Variants in LRRC4C observed in about 807,000 individuals in gnomAD.
The protein encoded by LRRC4C is leucine-rich repeat-containing protein 4C.
In LRRC4C, 5 loss-of-function variants were observed where a neutral mutation model predicts 33.6. The observed-to-expected ratio is 0.15, with a 90% confidence interval of 0.08 to 0.31. The LOEUF (loss-of-function observed/expected upper bound fraction) is 0.31, where lower values mean the gene tolerates loss of function less well. LRRC4C is among the 10% of genes least tolerant of loss of function. LRRC4C has a pLI of 1.00. For synonymous variants in LRRC4C, 329 were observed against 302.0 expected, an observed-to-expected ratio of 1.09 and a Z score of -0.93; for missense variants, 560 against 796.7, an observed-to-expected ratio of 0.70 and a Z score of 3.58.
At chr11:41,292,399 G>A (rs1174241230) in intron 1 of LRRC4C, among the ~76,000 whole-genome samples, 1 of 150,036 alleles carries the variant, frequency 6.7e-6, no homozygotes, top group East Asian at 1.9e-4. Flanking sequence ...ACAATAAACA[G>A]CAGCGTAAAA....
At chr11:40,605,889 T>G (rs1040212039) in intron 3 of LRRC4C, among the ~76,000 whole-genome samples, 3 of 152,138 alleles carry the variant, frequency 2.0e-5, no homozygotes, top group African/African-American at 7.2e-5. Flanking sequence ...GGTCCTACAT[T>G]CTAGCTTTTT....
chr11:40,678,589 A>T (rs1267415056), intron 2 of LRRC4C, among the ~76,000 whole-genome samples: 2 of 152,132 alleles, frequency 1.3e-5, no homozygotes, highest in Non-Finnish European at 2.9e-5. Context: ...TAATTAAAAC[A>T]TAGGGGTGGG....
intron 1 of LRRC4C, among the ~76,000 whole-genome samples, chr11:41,129,928 C>T (rs1942933440): frequency 6.6e-6 from 1 of 152,062 alleles, no homozygotes; most frequent in Admixed American, 6.6e-5. Context: ...TATATGATTA[C>T]ATCTTTCCTC....
At chr11:40,374,330 A>T (rs562695471) in intron 3 of LRRC4C, among the ~76,000 whole-genome samples, 4 of 152,280 alleles carry the variant, frequency 2.6e-5, no homozygotes, top group African/African-American at 9.6e-5. Context: ...GTATGCATTT[A>T]TTAATTCCCT....
chr11:41,075,446 C>G (rs1289541093), intron 1 of LRRC4C, among the ~76,000 whole-genome samples: 2 of 151,978 alleles, frequency 1.3e-5, no homozygotes, highest in Non-Finnish European at 2.9e-5. Flanking sequence ...TCTCCTTTAC[C>G]TATATCTAAC....
intron 3 of LRRC4C, among the ~76,000 whole-genome samples, chr11:40,409,997 A>T (rs1047088231): frequency 6.6e-6 from 1 of 152,112 alleles, no homozygotes. Flanking sequence ...TAAATAAATC[A>T]ATTAGAAAAA....
chr11:40,364,281 T>C (rs1283482607), intron 3 of LRRC4C, among the ~76,000 whole-genome samples: 1 of 152,044 alleles, frequency 6.6e-6, no homozygotes, highest in Non-Finnish European at 1.5e-5. Flanking sequence ...TGAGCTGACC[T>C]AGACCAAAAA....
chr11:40,764,413 T>C (rs1949357066), intron 2 of LRRC4C, among the ~76,000 whole-genome samples: 2 of 152,144 alleles, frequency 1.3e-5, no homozygotes, highest in Admixed American at 6.5e-5. Context: ...AAGGACTTTG[T>C]CTTGCAGCTT....
chr11:40,551,274 G>C (rs1000701519), intron 3 of LRRC4C, among the ~76,000 whole-genome samples: 1 of 151,558 alleles, frequency 6.6e-6, no homozygotes, highest in African/African-American at 2.4e-5. Context: ...TTTTGAATTT[G>C]AGTTAGATAT....
intron 1 of LRRC4C, among the ~76,000 whole-genome samples, chr11:41,422,392 G>T (rs78367846): frequency 0.078 from 11,867 of 152,028 alleles, 1,529 homozygotes; most frequent in African/African-American, 0.27. Context: ...TCTGCCAGTG[G>T]CAGGTCTAAC....
At chr11:40,546,841 CAG>C (rs1401653552) in intron 3 of LRRC4C, among the ~76,000 whole-genome samples, 1 of 152,062 alleles carries the variant, frequency 6.6e-6, no homozygotes, top group Non-Finnish European at 1.5e-5. Flanking sequence ...TTTTGAAAGT[CAG>C]AGGCTTGACT....
intron 3 of LRRC4C, among the ~76,000 whole-genome samples, chr11:40,559,817 T>C (rs1957476985): frequency 1.3e-5 from 2 of 152,170 alleles, no homozygotes; most frequent in African/African-American, 2.4e-5. Context: ...TCTCTAATGA[T>C]CGGTGATATT....
At chr11:40,368,149 C>A (rs1195411195) in intron 3 of LRRC4C, among the ~76,000 whole-genome samples, 1 of 151,916 alleles carries the variant, frequency 6.6e-6, no homozygotes. Context: ...TCTTTAAAAT[C>A]AGCACATGTA....
chr11:41,134,246 AC>A (rs1943153371), intron 1 of LRRC4C, among the ~76,000 whole-genome samples: 1 of 152,026 alleles, frequency 6.6e-6, no homozygotes, highest in African/African-American at 2.4e-5. Flanking sequence ...ACAGGAGCAC[AC>A]TACTACAACC....
chr11:41,449,781 A>T (rs901423906), intron 1 of LRRC4C, among the ~76,000 whole-genome samples: 1 of 151,988 alleles, frequency 6.6e-6, no homozygotes, highest in African/African-American at 2.4e-5. Flanking sequence ...AAAAAAAAAA[A>T]AAAAGCTTTT....
intron 3 of LRRC4C, among the ~76,000 whole-genome samples, chr11:40,399,388 A>T (rs945196777): frequency 1.8e-4 from 27 of 152,142 alleles, no homozygotes; most frequent in Non-Finnish European, 3.1e-4. Context: ...TTGTAGGGAC[A>T]TGGATGAAAC....
chr11:41,019,346 G>A (rs1326751172), intron 1 of LRRC4C, among the ~76,000 whole-genome samples: 2 of 152,106 alleles, frequency 1.3e-5, no homozygotes, highest in Non-Finnish European at 2.9e-5. Flanking sequence ...CAAAGAACAT[G>A]ATCTCATTCC....
chr11:41,453,290 C>T (rs912146750), intron 1 of LRRC4C, among the ~76,000 whole-genome samples: 3 of 152,048 alleles, frequency 2.0e-5, no homozygotes, highest in Non-Finnish European at 4.4e-5. Context: ...TAGAGATCTG[C>T]CTCAACTTAT....
chr11:41,021,535 C>T (rs1047138283), intron 1 of LRRC4C, among the ~76,000 whole-genome samples: 4 of 152,036 alleles, frequency 2.6e-5, no homozygotes, highest in East Asian at 1.9e-4. Context: ...GAGGTTAATA[C>T]ACAAAACTCA....
Sources: allele counts gnomAD v4.1 joint callset (sites outside exome capture counted in the v4.1 genomes callset), GRCh38; gene constraint gnomAD v4.1.1; transcripts MANE v1.5; gene names NCBI Gene and HGNC (gene_info 2026-07-23, HGNC 2026-07-21).